FUT8: variants seen among roughly 807,000 people sequenced by gnomAD.
The protein encoded by FUT8 is fucosyltransferase 8.
FUT8 carries 29 observed loss-of-function variants against 71.3 expected under a neutral mutation model. The observed-to-expected ratio is 0.41, with a 90% CI of 0.30 to 0.55. The LOEUF (loss-of-function observed/expected upper bound fraction) is 0.55. FUT8 is among the 20% of genes least tolerant of loss of function. The probability of loss-of-function intolerance (pLI) is 0.34; values close to 1 mark genes in which losing one functional copy is unlikely to be tolerated. For synonymous variants in FUT8, 254 were observed against 239.3 expected, an observed-to-expected ratio of 1.06 and a Z score of -0.57; for missense variants, 544 against 702.1, an observed-to-expected ratio of 0.77 and a Z score of 2.55.
At chr14:65,712,230 G>C (rs1309282490) in intron 7 of FUT8, among the ~76,000 whole-genome samples, 1 of 152,124 alleles carries the variant, frequency 6.6e-6, no homozygotes, top group Non-Finnish European at 1.5e-5. Flanking sequence ...AATAAACTCG[G>C]TGCTGGCTAT....
rs60534547 is a variant in FUT8 at position 65,439,954 on chromosome 14, G to GTATATATATATA, written c.-325-15641_-325-15630dup. On this transcript the variant is annotated intron_variant, in intron 1 of 10. Transcript: ENST00000673929. ...ATAAAGAAAATGTGTGTGTGTGTGT[G>GTATATATATATA]TATATATATATATATATATATATAT... Among the ~76,000 whole-genome samples the GTATATATATATA allele has an allele frequency of 3.5e-3, 262 of 74,890 alleles. 1 individual carries two copies. The highest frequency in any genetic ancestry group is 7.5e-3 in the Middle Eastern group (1 of 134). The allele number at this position is 74,890 out of a possible 152,430, so 49.1% of individuals were successfully genotyped here. A position where few individuals can be genotyped will look rare whatever the true frequency, so the allele number is the denominator to read the frequency against.
At chr14:65,359,911 C>G in the FUT8 span, among the ~76,000 whole-genome samples, 3 of 152,156 alleles carry the variant, frequency 2.0e-5, no homozygotes, top group Admixed American at 6.5e-5. Flanking sequence ...TCGCAATCTC[C>G]GCCTCCCGCC....
At position 65,561,577 on chromosome 14, in the gene FUT8, C is replaced by T. The variant is rs1358018578; in HGVS notation, c.14C>T (p.Thr5Ile). Residue 5 changes from threonine (T) to isoleucine (I), a missense_variant, in exon 3 of 11, where the codon ACT becomes ATT. Physicochemically the swap from Thr to Ile is moderately conservative, Grantham distance 89. Transcript: ENST00000673929. Reference sequence around the variant, plus strand: ...GAAAATCTGAAAATGCGGCCATGGACTGGTTCCTGGCGTTGGATTATGCTC... The same window carrying T: ...GAAAATCTGAAAATGCGGCCATGGATTGGTTCCTGGCGTTGGATTATGCTC... MRPW[T>I]GSWRWIMLIL... 1.2e-6 allele frequency: 2 copies of T among 1,613,278 alleles called. No individual in the cohort carries two copies. The highest frequency in any genetic ancestry group is 1.3e-5 in the African/African-American group (1 of 74,884).
the FUT8 span, among the ~76,000 whole-genome samples, chr14:65,392,548 C>G: frequency 2.0e-5 from 3 of 151,994 alleles, no homozygotes; most frequent in Non-Finnish European, 2.9e-5. Context: ...GTAGTCAGTT[C>G]ATGAAAAATG....
intron 1 of FUT8, among the ~76,000 whole-genome samples, chr14:65,450,475 G>T (rs1225430491): frequency 6.6e-6 from 1 of 152,110 alleles, no homozygotes; most frequent in Non-Finnish European, 1.5e-5. Flanking sequence ...AGCAGATCTT[G>T]TAACGTTCGA....
intron 3 of FUT8, among the ~76,000 whole-genome samples, chr14:65,601,036 G>A (rs1338150973): frequency 6.6e-6 from 1 of 152,104 alleles, no homozygotes; most frequent in Non-Finnish European, 1.5e-5. Flanking sequence ...TGATATCATA[G>A]TATCTTAGAG....
the FUT8 span, among the ~76,000 whole-genome samples, chr14:65,392,169 T>C: frequency 3.9e-5 from 6 of 152,240 alleles, no homozygotes. Context: ...CGACCTCAGG[T>C]GATCCGCCTG....
At chr14:65,610,172 T>TTG (rs1254311516) in intron 3 of FUT8, among the ~76,000 whole-genome samples, 1 of 151,944 alleles carries the variant, frequency 6.6e-6, no homozygotes, top group African/African-American at 2.4e-5. Flanking sequence ...TCATTCCAAT[T>TTG]TGAATGCCTT....
At chr14:65,741,539 A>G (rs946021625) in intron 10 of FUT8, among the ~76,000 whole-genome samples, 11 of 152,162 alleles carry the variant, frequency 7.2e-5, no homozygotes, top group African/African-American at 2.4e-4. Flanking sequence ...CACGTTGTGC[A>G]CGTGTACCCT....
At chr14:65,645,682 A>C (rs963307870) in intron 6 of FUT8, among the ~76,000 whole-genome samples, 1 of 152,218 alleles carries the variant, frequency 6.6e-6, no homozygotes, top group African/African-American at 2.4e-5. Flanking sequence ...TGCTTGTGCT[A>C]CATTTTTAAT....
Position 65,615,961 on chromosome 14 carries a change from T to C in FUT8, c.204-17T>C. Reference sequence around the variant, plus strand: ...GTTTGAAAGCTAAATGTTTACATTATCTTCCCTAAACTACAGGATACCAGA... The same window carrying C: ...GTTTGAAAGCTAAATGTTTACATTACCTTCCCTAAACTACAGGATACCAGA... On this transcript the variant is annotated splice_polypyrimidine_tract_variant and intron_variant, in intron 3 of 10. Transcript: ENST00000673929. 6.4e-7 allele frequency: 1 copy of C among 1,551,704 alleles called. No individual in the cohort carries two copies. Among genetic ancestry groups the C allele is most frequent in the Non-Finnish European group, 8.8e-7 (1 of 1,134,354 alleles).
chr14:65,671,482 G>C (rs1463665470), intron 7 of FUT8, among the ~76,000 whole-genome samples: 1 of 152,016 alleles, frequency 6.6e-6, no homozygotes, highest in Non-Finnish European at 1.5e-5. Context: ...ACTTACCCAG[G>C]GTCATACAGC....
At chr14:65,605,050 C>T (rs1365681512) in intron 3 of FUT8, among the ~76,000 whole-genome samples, 2 of 151,854 alleles carry the variant, frequency 1.3e-5, no homozygotes, top group Non-Finnish European at 2.9e-5. Flanking sequence ...ATGATTGATA[C>T]TTGTAGGTAT....
intron 3 of FUT8, among the ~76,000 whole-genome samples, chr14:65,562,035 T>A (rs376847155): frequency 1.3e-3 from 196 of 152,188 alleles, no homozygotes; most frequent in African/African-American, 4.1e-3. Context: ...GAGATTTTTT[T>A]ATTTTTTTTT....
chr14:65,541,986 C>T (rs1884703367), intron 2 of FUT8, among the ~76,000 whole-genome samples: 1 of 152,190 alleles, frequency 6.6e-6, no homozygotes, highest in Non-Finnish European at 1.5e-5. Flanking sequence ...CTGCTACTTA[C>T]TGGCTTTATG....
chr14:65,618,623 A>G (rs962657945), intron 5 of FUT8, among the ~76,000 whole-genome samples: 9 of 152,210 alleles, frequency 5.9e-5, no homozygotes, highest in Admixed American at 5.9e-4. Context: ...GTACAAATAG[A>G]AAGGACTTTT....
intron 7 of FUT8, among the ~76,000 whole-genome samples, chr14:65,678,300 T>TC (rs1455198610): frequency 1.3e-5 from 2 of 152,200 alleles, no homozygotes; most frequent in Non-Finnish European, 2.9e-5. Flanking sequence ...CAGCTTTGGC[T>TC]CCCTAGCTCC....
intron 6 of FUT8, among the ~76,000 whole-genome samples, chr14:65,657,650 A>G (rs564094772): frequency 1.3e-5 from 2 of 152,262 alleles, no homozygotes; most frequent in East Asian, 1.9e-4. Context: ...GGAGATAGAG[A>G]CTAGAATGAT....
In FUT8 at chr14:65,610,010, AGTT is replaced by A. The variant is rs1036255665; in HGVS notation, c.204-5964_204-5962del. On this transcript the variant is annotated intron_variant, in intron 3 of 10. Transcript: ENST00000673929. The stretch of plus-strand genomic sequence containing the variant: ...AATGTGGTTTAAAATATTAATTTCC[AGTT>A]GTTTTTTGCTAGAATATAGAAATGT... 1.6e-4 allele frequency among the ~76,000 whole-genome samples: 25 copies of A among 151,952 alleles called. 1 individual carries two copies. Among genetic ancestry groups the A allele is most frequent in the African/African-American group, 5.5e-4 (23 of 41,478 alleles).
Sources: gnomAD v4.1 joint callset for allele counts (sites outside exome capture counted in the v4.1 genomes callset) on GRCh38, gnomAD v4.1.1 for gene constraint, MANE v1.5 for transcripts, NCBI Gene and HGNC (gene_info 2026-07-23, HGNC 2026-07-21) for gene names.